COX7B2: variants seen among roughly 807,000 people sequenced by gnomAD.
The protein encoded by COX7B2 is cytochrome c oxidase subunit 7B2, also known as cytochrome c oxidase subunit 7B2, mitochondrial.
For missense variants in COX7B2, 109 were observed against 95.9 expected, an observed-to-expected ratio of 1.14 and a Z score of -0.57; for synonymous variants, 37 against 32.1, an observed-to-expected ratio of 1.15 and a Z score of -0.51.
intron 2 of COX7B2, among the ~76,000 whole-genome samples, chr4:46,747,698 A>C (rs544734531): frequency 6.6e-6 from 1 of 152,188 alleles, no homozygotes; most frequent in African/African-American, 2.4e-5. Context: ...AAGTGCAACC[A>C]TATATAATCA....
intron 2 of COX7B2, among the ~76,000 whole-genome samples, chr4:46,752,195 T>G (rs1161182557): frequency 1.3e-5 from 2 of 152,172 alleles, no homozygotes; most frequent in African/African-American, 4.8e-5. Context: ...GAATGGGAGT[T>G]CACTCATGAT....
chr4:46,820,714 A>G (rs1714212657), intron 2 of COX7B2, among the ~76,000 whole-genome samples: 1 of 151,678 alleles, frequency 6.6e-6, no homozygotes, highest in South Asian at 2.1e-4. Context: ...TCAGCTACTC[A>G]GGAAGCTGAG....
At chr4:46,830,978 G>A (rs114272077) in intron 2 of COX7B2, among the ~76,000 whole-genome samples, 2,606 of 152,298 alleles carry the variant, frequency 0.017, 46 homozygotes, top group Middle Eastern at 0.041. Context: ...TGCACTGTGG[G>A]AGCCCCTTCC....
chr4:46,832,454 A>G (rs1715208739), intron 2 of COX7B2, among the ~76,000 whole-genome samples: 1 of 152,212 alleles, frequency 6.6e-6, no homozygotes, highest in African/African-American at 2.4e-5. Context: ...CATCAAGTTA[A>G]AAGTGTCACA....
chr4:46,823,233 T>C (rs1714430905), intron 2 of COX7B2, among the ~76,000 whole-genome samples: 1 of 152,000 alleles, frequency 6.6e-6, no homozygotes, highest in Admixed American at 6.6e-5. Flanking sequence ...ATCACCACTA[T>C]TTATCTTATA....
At chr4:46,828,992 A>G (rs775595447) in intron 2 of COX7B2, among the ~76,000 whole-genome samples, 1 of 152,186 alleles carries the variant, frequency 6.6e-6, no homozygotes, top group Non-Finnish European at 1.5e-5. Flanking sequence ...TCAGCCTTAT[A>G]TGTGAACTAT....
At chr4:46,754,718 G>GTATATATATATATA (rs1235318797) in intron 2 of COX7B2, among the ~76,000 whole-genome samples, 617 of 33,690 alleles carry the variant, frequency 0.018, 5 homozygotes, top group South Asian at 0.029. Flanking sequence ...GTGTGTGTGT[G>GTATATATATATATA]TGTGTGTGTG....
At chr4:46,761,173 G>A (rs967226341) in intron 2 of COX7B2, among the ~76,000 whole-genome samples, 4 of 152,138 alleles carry the variant, frequency 2.6e-5, no homozygotes, top group Non-Finnish European at 5.9e-5. Context: ...GCATTTTTAA[G>A]TGGGTAGAAC....
intron 2 of COX7B2, among the ~76,000 whole-genome samples, chr4:46,751,273 G>C (rs1185876708): frequency 2.0e-5 from 3 of 151,382 alleles, no homozygotes; most frequent in African/African-American, 7.3e-5. Context: ...TGACAAACTA[G>C]GTATATGTCA....
chr4:46,863,343 G>C (rs913886438), intron 1 of COX7B2, among the ~76,000 whole-genome samples: 5 of 152,146 alleles, frequency 3.3e-5, no homozygotes, highest in African/African-American at 1.2e-4. Context: ...TTAAGAAAGA[G>C]ATAGTACAGG....
intron 1 of COX7B2, among the ~76,000 whole-genome samples, chr4:46,867,727 T>G (rs868610235): frequency 6.6e-4 from 100 of 152,320 alleles, no homozygotes; most frequent in African/African-American, 2.2e-3. Flanking sequence ...GGAAGCCTAC[T>G]TCATCATGAT....
intron 1 of COX7B2, among the ~76,000 whole-genome samples, chr4:46,874,563 G>GT (rs1217753064): frequency 1.6e-4 from 25 of 151,946 alleles, no homozygotes; most frequent in Non-Finnish European, 2.5e-4. Context: ...CTCTTGTGTG[G>GT]TTTTTTTTGT....
intron 1 of COX7B2, among the ~76,000 whole-genome samples, chr4:46,882,355 T>C (rs1484750655): frequency 6.6e-6 from 1 of 152,240 alleles, no homozygotes; most frequent in African/African-American, 2.4e-5. Flanking sequence ...TTGTTAATTT[T>C]CTGCCTTGAT....
At chr4:46,869,922 C>T (rs1002740453) in intron 1 of COX7B2, among the ~76,000 whole-genome samples, 5 of 152,148 alleles carry the variant, frequency 3.3e-5, no homozygotes, top group Admixed American at 2.0e-4. Context: ...GTTGGCCTCT[C>T]TAGCAAGGTT....
intron 2 of COX7B2, among the ~76,000 whole-genome samples, chr4:46,829,939 T>C (rs1216610262): frequency 2.6e-5 from 4 of 152,076 alleles, no homozygotes; most frequent in Admixed American, 1.3e-4. Context: ...GTATGGAGAA[T>C]GTGAAGAAAT....
chr4:46,819,115 T>C (rs1018868791), intron 2 of COX7B2, among the ~76,000 whole-genome samples: 1 of 152,206 alleles, frequency 6.6e-6, no homozygotes, highest in Non-Finnish European at 1.5e-5. Context: ...CCATGTAGCC[T>C]TCTCTTGGCT....
At chr4:46,788,771 A>T (rs963193323) in intron 2 of COX7B2, among the ~76,000 whole-genome samples, 1 of 152,218 alleles carries the variant, frequency 6.6e-6, no homozygotes, top group Non-Finnish European at 1.5e-5. Context: ...GAAATGCTAT[A>T]GGAAAAAAAC....
chr4:46,871,490 G>C (rs1181625053), intron 1 of COX7B2, among the ~76,000 whole-genome samples: 2 of 151,962 alleles, frequency 1.3e-5, no homozygotes. Flanking sequence ...TTCACAAGTG[G>C]GATCTAATTA....
rs1462254861 is a variant in COX7B2, at chr4:46,810,213, GATCAAATTATCCA to G, written c.-50+34734_-50+34746del. On this transcript the variant is annotated intron_variant, in intron 2 of 2. Transcript: ENST00000355591. ...AGCCACTCTGTGTTGAATGTAAATG[GATCAAATTATCCA>G]ATCAAATTACACAGATTGGTTGAAT... Among the ~76,000 whole-genome samples, 7 of 151,890 alleles carry G rather than the reference GATCAAATTATCCA, an allele frequency of 4.6e-5. No homozygotes were observed. In the South Asian group the frequency reaches 8.3e-4, roughly 18 times the overall value.
Sources: gnomAD v4.1 joint callset for allele counts (sites outside exome capture counted in the v4.1 genomes callset) on GRCh38, gnomAD v4.1.1 for gene constraint, MANE v1.5 for transcripts, NCBI Gene and HGNC (gene_info 2026-07-23, HGNC 2026-07-21) for gene names.